Variants in FDXR observed in about 807,000 individuals in gnomAD.
The protein encoded by FDXR is NADPH:adrenodoxin oxidoreductase, mitochondrial.
Under a neutral mutation model 58.3 loss-of-function variants are expected in FDXR, and 38 were observed. The observed-to-expected ratio is 0.65, with a 90% confidence interval of 0.50 to 0.85. The LOEUF (loss-of-function observed/expected upper bound fraction) is 0.85, where lower values mean the gene tolerates loss of function less well. FDXR is among the 40% of genes least tolerant of loss of function. The pLI is 0.00. For missense variants in FDXR, 624 were observed against 671.0 expected (o/e 0.93, Z 0.77); for synonymous variants, 275 against 273.8 (o/e 1.00, Z -0.04).
intron 2 of FDXR, among the ~76,000 whole-genome samples, chr17:74,867,264 G>A (rs1248369412): frequency 6.3e-5 from 8 of 127,500 alleles, no homozygotes; most frequent in South Asian, 2.6e-4. Context: ...CGAAGATCGC[G>A]CCATTGCACT....
rs1196073538 is a variant in FDXR, at chr17:74,864,818, C to T, written c.717+6G>A. On this transcript the variant is annotated splice_donor_region_variant and intron_variant, in intron 7 of 11. Coordinates refer to ENST00000293195, the MANE Select transcript of FDXR (RefSeq NM_024417.5). ...ACCCTGGCTCCTCCCACTCTGGCCC[C>T]AGCACCTTAATGGTGAAGGCCACTT... is the stretch of plus-strand genomic sequence containing the variant. 1.2e-6 allele frequency: 2 copies of T among 1,613,870 alleles called. No individual in the cohort carries two copies. Among genetic ancestry groups the T allele is most frequent in the African/African-American group, 2.7e-5 (2 of 74,926 alleles).
At position 74,863,813 on chromosome 17, in the gene FDXR, T is replaced by C. The variant is rs1256622343; in HGVS notation, c.1174+83A>G. On this transcript the variant is annotated intron_variant, in intron 10 of 11. Transcript: ENST00000293195. Reference sequence around the variant, plus strand: ...AAGCTTCTCAGTACATGTTGCTAGATGAATGAACGCATGGCCCCAGGAGAT... The same window carrying C: ...AAGCTTCTCAGTACATGTTGCTAGACGAATGAACGCATGGCCCCAGGAGAT... The C allele has an allele frequency of 4.6e-6, 7 of 1,506,652 alleles. No individual in the cohort carries two copies. The African/African-American group carries it at 6.9e-5, about 15-fold the overall frequency. The allele number at this position is 1,506,652 out of a possible 1,614,324, so 93.3% of individuals were successfully genotyped here.
Position 74,862,893 on chromosome 17 carries a change from G to A in FDXR, c.1400C>T (p.Ala467Val), listed in dbSNP as rs2038019639. ...DWEKLDAEEV[A>V]RGQGTGKPRE... The stretch of plus-strand genomic sequence containing the variant: ...GGGCTTCCCCGTGCCCTGGCCCCGG[G>A]CCACCTCCTCGGCATCCAGCTTCTC... Residue 467 changes from alanine to valine, a missense_variant, in exon 12 of 12, where the codon GCC becomes GTC. By Grantham distance (64) the Ala-to-Val change is moderately conservative. Coordinates refer to ENST00000293195, the MANE Select transcript of FDXR (RefSeq NM_024417.5). 3 of 1,613,034 alleles carry A rather than the reference G, an allele frequency of 1.9e-6. No individual in the cohort carries two copies. The highest frequency in any genetic ancestry group is 2.5e-6 in the Non-Finnish European group (3 of 1,180,010).
chr17:74,863,242 G>C lies in FDXR; in HGVS notation c.1179C>G (p.Leu393=). 1.9e-6 allele frequency: 3 copies of C among 1,610,994 alleles called. No homozygotes were observed. The highest frequency in any genetic ancestry group is 2.5e-6 in the Non-Finnish European group (3 of 1,178,772). ...VEGRVMDVPG[L]YCSGWVKRGP... is the part of the protein sequence containing the mutation. ...CTCTCTTCACCCAGCCGCTGCAGTAGAGGCCTGAGAGGGGGTAACAAAAGG... is the reference window on the plus strand; with the variant it reads ...CTCTCTTCACCCAGCCGCTGCAGTACAGGCCTGAGAGGGGGTAACAAAAGG... The change falls in exon 11 of 12, where the codon CTC becomes CTG. Residue 393 remains leucine (L), a synonymous_variant. Coordinates refer to ENST00000293195, the MANE Select transcript of FDXR (RefSeq NM_024417.5).
intron 2 of FDXR, among the ~76,000 whole-genome samples, chr17:74,870,962 G>A (rs33938422): frequency 0.83 from 125,422 of 151,998 alleles, 52,280 homozygotes; most frequent in African/African-American, 0.93. Context: ...GCCACCACAC[G>A]TGGCTGATTT....
In FDXR at chr17:74,872,947, C is replaced by G. The variant is rs757622563; in HGVS notation, c.-3G>C. 19 of 1,554,628 alleles carry G rather than the reference C, an allele frequency of 1.2e-5. No individual in the cohort carries two copies. Among genetic ancestry groups the G allele is most frequent in the Non-Finnish European group, 1.7e-5 (19 of 1,149,578 alleles). On this transcript the variant is annotated 5_prime_UTR_variant, in exon 1 of 12. Coordinates refer to ENST00000293195, the MANE Select transcript of FDXR (RefSeq NM_024417.5). ...CAGCGCCAGCAGCGCGAAGCCATGG[C>G]TGGGAGCAGCAACCTGCAAGTGGAT...
chr17:74,865,104 A>G (rs1163346299), intron 6 of FDXR, among the ~76,000 whole-genome samples, 173 bp from the exon 7 acceptor site: 1 of 152,138 alleles, frequency 6.6e-6, no homozygotes, highest in Non-Finnish European at 1.5e-5. Flanking sequence ...AATGGCTCCA[A>G]CTAATAGCAC....
At chr17:74,868,776 CT>C (rs1438282837) in intron 2 of FDXR, 4 of 1,470,310 alleles carry the variant, frequency 2.7e-6, no homozygotes, top group Non-Finnish European at 3.6e-6. Flanking sequence ...ATTGGCCCCC[CT>C]CCCTCCTCCC....
At position 74,864,012 on chromosome 17, in the gene FDXR, C is replaced by T. The variant is rs770087876; in HGVS notation, c.1058G>A (p.Cys353Tyr). ...VPTGDMEDLP[C>Y]GLVLSSIGYK... The stretch of plus-strand genomic sequence containing the variant: ...CCCAATGCTGCTGAGCACCAGCCCA[C>T]AAGGGAGGTCTTCCATGTCTCCCGT... The change falls in exon 10 of 12, where the codon TGT becomes TAT. Residue 353 changes from cysteine (C) to tyrosine (Y), a missense_variant. Transcript: ENST00000293195. 3.7e-5 allele frequency: 59 copies of T among 1,613,926 alleles called. No individual in the cohort carries two copies. Among genetic ancestry groups the T allele is most frequent in the Non-Finnish European group, 4.6e-5 (54 of 1,180,036 alleles).
intron 2 of FDXR, chr17:74,868,652 C>T (rs1379618954): frequency 1.3e-6 from 2 of 1,535,628 alleles, no homozygotes; most frequent in Admixed American, 2.0e-5. Flanking sequence ...GATGTTCTTA[C>T]CCCTTATCTC....
rs775011125 is a variant in FDXR, at chr17:74,864,326, C to T, written c.824G>A (p.Arg275Gln). ...CGTTCGAAGCAGCAGTTCCGTCAGC[C>T]GCTTCCTCGGGCGGGGGACCTCTGT... ...KIKEVPRPRK[R>Q]LTELLLRTAT... Residue 275 changes from arginine to glutamine, a missense_variant, in exon 9 of 12, where the codon CGG becomes CAG. Arg to Gln is a conservative substitution (Grantham distance 43, BLOSUM62 1). Coordinates refer to ENST00000293195, the MANE Select transcript of FDXR (RefSeq NM_024417.5). 7.0e-6 allele frequency: 11 copies of T among 1,577,500 alleles called. No individual in the cohort carries two copies. The highest frequency in any genetic ancestry group is 5.4e-5 in the African/African-American group (4 of 73,558).
chr17:74,865,070 T>C (rs544497279), intron 6 of FDXR, 139 bp from the exon 7 acceptor site: 16 of 1,165,988 alleles, frequency 1.4e-5, no homozygotes, highest in Non-Finnish European at 1.7e-5. Flanking sequence ...GGTGGCCAGA[T>C]GGAGCATTGC....
intron 5 of FDXR, 112 bp downstream of exon 5, chr17:74,866,019 A>G: frequency 1.0e-6 from 1 of 961,538 alleles, no homozygotes; most frequent in Non-Finnish European, 1.6e-6. Flanking sequence ...CGCCTCAGTC[A>G]GCACAATGTC....
rs75368151 is a variant in FDXR at position 74,868,581 on chromosome 17, A to G, written c.178-1705T>C. On this transcript the variant is annotated intron_variant, in intron 2 of 11. Transcript: ENST00000293195. The stretch of plus-strand genomic sequence containing the variant: ...TATCTTCCATTCTTTCCTGCGACAG[A>G]TCCTTCACTCTGGGTCACGATGTCC... 9.7e-4 allele frequency: 1,484 copies of G among 1,535,516 alleles called. 16 individuals are homozygous for G. In the East Asian group the frequency reaches 0.028, roughly 29 times the overall value.
At chr17:74,863,345 A>C (rs1598511972) in intron 10 of FDXR, 99 bp from the exon 11 acceptor site, 1 of 1,147,338 alleles carries the variant, frequency 8.7e-7, no homozygotes, top group Non-Finnish European at 1.2e-6. Context: ...GCACACAGAC[A>C]CCCCACGCCT....
intron 6 of FDXR, among the ~76,000 whole-genome samples, chr17:74,865,366 G>C (rs943606733): frequency 6.6e-6 from 1 of 152,126 alleles, no homozygotes; most frequent in African/African-American, 2.4e-5. Flanking sequence ...CACGATGGGG[G>C]AGTGGACCAA....
chr17:74,863,779 G>T (rs1020097263), intron 10 of FDXR, 117 bp downstream of exon 10: 60 of 1,328,854 alleles, frequency 4.5e-5, no homozygotes, highest in Admixed American at 1.7e-4. Flanking sequence ...GAGAGGGCCT[G>T]CCCTGCAGAA....
Position 74,871,147 on chromosome 17 carries a change from G to A in FDXR, c.177+889C>T, listed in dbSNP as rs545569487. On this transcript the variant is annotated intron_variant, in intron 2 of 11. Coordinates refer to ENST00000293195, the MANE Select transcript of FDXR (RefSeq NM_024417.5). ...ATTGACCCCACCTGCCTCGGCTCAC[G>A]CTGCCCACATTATTGTAATTAGCTC... 3.9e-5 allele frequency among the ~76,000 whole-genome samples: 6 copies of A among 152,214 alleles called. No homozygotes were observed. The South Asian group carries it at 8.3e-4, about 21-fold the overall frequency.
chr17:74,865,265 GAAATACTCATC>G (rs1204271730), intron 6 of FDXR, among the ~76,000 whole-genome samples: 1 of 152,240 alleles, frequency 6.6e-6, no homozygotes, highest in Non-Finnish European at 1.5e-5. Flanking sequence ...GCTGGGGAGA[GAAATACTCATC>G]AAATACTCAT....
Sources: gnomAD v4.1 joint callset for allele counts (sites outside exome capture counted in the v4.1 genomes callset) on GRCh38, gnomAD v4.1.1 for gene constraint, MANE v1.5 for transcripts, NCBI Gene and HGNC (gene_info 2026-07-23, HGNC 2026-07-21) for gene names.